KCNMB4: variants seen among roughly 807,000 people sequenced by gnomAD.
KCNMB4 encodes the protein calcium-activated potassium channel subunit beta-4.
Under a neutral mutation model 20.7 loss-of-function variants are expected in KCNMB4, and 3 were observed. That is an observed-to-expected ratio of 0.14 (90% CI 0.07 to 0.37). KCNMB4 has a LOEUF of 0.37. Ranked by LOEUF, KCNMB4 falls within the 10% of genes least tolerant of loss-of-function variation. KCNMB4 has a pLI of 1.00. For missense variants in KCNMB4, 168 were observed against 265.9 expected, an observed-to-expected ratio of 0.63 and a Z score of 2.56; for synonymous variants, 110 against 113.4, an observed-to-expected ratio of 0.97 and a Z score of 0.19.
At chr12:70,394,001 C>T (rs1173794911) in intron 1 of KCNMB4, among the ~76,000 whole-genome samples, 1 of 152,176 alleles carries the variant, frequency 6.6e-6, no homozygotes, top group Non-Finnish European at 1.5e-5. Flanking sequence ...GAAGCCTTCT[C>T]TTATACTCTG....
chr12:70,420,519 A>G (rs758183764), intron 2 of KCNMB4, among the ~76,000 whole-genome samples: 56 of 152,176 alleles, frequency 3.7e-4, no homozygotes, highest in Non-Finnish European at 7.5e-4. Flanking sequence ...ATGCTGGGAA[A>G]GGCAAGGAAA....
At chr12:70,395,334 C>T (rs1868341814) in intron 1 of KCNMB4, among the ~76,000 whole-genome samples, 1 of 151,958 alleles carries the variant, frequency 6.6e-6, no homozygotes, top group Non-Finnish European at 1.5e-5. Flanking sequence ...GAACCCAGTC[C>T]CTGATATTTA....
chr12:70,397,597 C>A (rs77751871), intron 1 of KCNMB4, among the ~76,000 whole-genome samples: 15 of 152,278 alleles, frequency 9.9e-5, no homozygotes, highest in Non-Finnish European at 1.8e-4. Flanking sequence ...CTTCAGCATA[C>A]CTAATACAGA....
chr12:70,396,383 GC>G (rs1165867234), intron 1 of KCNMB4, among the ~76,000 whole-genome samples: 2 of 152,178 alleles, frequency 1.3e-5, no homozygotes, highest in African/African-American at 4.8e-5. Context: ...TCAGCTCACT[GC>G]AGCCTCCGCC....
intron 2 of KCNMB4, among the ~76,000 whole-genome samples, chr12:70,414,946 T>G (rs1868876761): frequency 6.6e-6 from 1 of 152,240 alleles, no homozygotes; most frequent in South Asian, 2.1e-4. Flanking sequence ...ATCTTAATTG[T>G]AAGTCAAAAT....
intron 1 of KCNMB4, among the ~76,000 whole-genome samples, chr12:70,392,435 G>A (rs545219305): frequency 6.6e-6 from 1 of 152,292 alleles, no homozygotes; most frequent in South Asian, 2.1e-4. Context: ...CAAGGATCTA[G>A]AACCAGAAAT....
At chr12:70,409,192 C>A (rs1001006437) in intron 2 of KCNMB4, among the ~76,000 whole-genome samples, 6 of 152,184 alleles carry the variant, frequency 3.9e-5, no homozygotes, top group Non-Finnish European at 5.9e-5. Context: ...CAGGCTTACA[C>A]AAACACACAC....
At chr12:70,405,082 C>A (rs760292091) in intron 2 of KCNMB4, among the ~76,000 whole-genome samples, 1 of 152,052 alleles carries the variant, frequency 6.6e-6, no homozygotes, top group Non-Finnish European at 1.5e-5. Flanking sequence ...AGAAGTTAGT[C>A]AAGAAGAAGA....
intron 2 of KCNMB4, among the ~76,000 whole-genome samples, chr12:70,418,438 T>A (rs1007245493): frequency 6.6e-6 from 1 of 152,210 alleles, no homozygotes; most frequent in Admixed American, 6.5e-5. Context: ...GTCACTATGC[T>A]TGGTGTAGCC....
Position 70,430,764 on chromosome 12 carries a change from G to T in KCNMB4, c.*111G>T, listed in dbSNP as rs998698926. ...AGGAGATGGACAGGGCCACGACAGGGCTCTGAGAGGCTCATCCCTCAGTGG... is the reference window on the plus strand; with the variant it reads ...AGGAGATGGACAGGGCCACGACAGGTCTCTGAGAGGCTCATCCCTCAGTGG... On this transcript the variant is annotated 3_prime_UTR_variant, in exon 3 of 3. Transcript: ENST00000258111. 2.0e-6 allele frequency: 2 copies of T among 1,004,906 alleles called. No individual in the cohort carries two copies. Among genetic ancestry groups the T allele is most frequent in the African/African-American group, 1.7e-5 (1 of 59,520 alleles). The allele number at this position is 1,004,906 out of a possible 1,614,324, so 62.2% of individuals were successfully genotyped here.
chr12:70,405,093 T>A (rs1565862288), intron 2 of KCNMB4, among the ~76,000 whole-genome samples: 2 of 152,248 alleles, frequency 1.3e-5, no homozygotes, highest in East Asian at 1.9e-4. Flanking sequence ...AAGAAGAAGA[T>A]AATTTAGGTA....
intron 2 of KCNMB4, 122 bp downstream of exon 2, chr12:70,400,458 G>T (rs1165123581): frequency 1.0e-6 from 1 of 984,120 alleles, no homozygotes; most frequent in Admixed American, 2.7e-5. Flanking sequence ...TTCTTTGCGT[G>T]TAATTAGGGA....
At chr12:70,414,356 A>G (rs1014419980) in intron 2 of KCNMB4, among the ~76,000 whole-genome samples, 2 of 152,246 alleles carry the variant, frequency 1.3e-5, no homozygotes, top group African/African-American at 2.4e-5. Flanking sequence ...GGTTAGTTCT[A>G]TAATCTCAGT....
At chr12:70,374,204 A>G (rs1431508188) in intron 1 of KCNMB4, among the ~76,000 whole-genome samples, 2 of 152,240 alleles carry the variant, frequency 1.3e-5, no homozygotes, top group African/African-American at 2.4e-5. Context: ...TTTGCTTACA[A>G]AATACATTTA....
chr12:70,386,205 C>A (rs1470574383), intron 1 of KCNMB4, among the ~76,000 whole-genome samples: 1 of 152,108 alleles, frequency 6.6e-6, no homozygotes, highest in Non-Finnish European at 1.5e-5. Context: ...TCACATACCT[C>A]ATCTTGTAAG....
intron 1 of KCNMB4, among the ~76,000 whole-genome samples, chr12:70,382,741 G>A (rs1883812969): frequency 6.6e-6 from 1 of 152,150 alleles, no homozygotes; most frequent in African/African-American, 2.4e-5. Flanking sequence ...AGCAATAAAA[G>A]ACCATCTCTT....
chr12:70,404,585 C>T (rs1328090162), intron 2 of KCNMB4, among the ~76,000 whole-genome samples: 1 of 152,158 alleles, frequency 6.6e-6, no homozygotes, highest in Non-Finnish European at 1.5e-5. Context: ...ATCTGCTGGT[C>T]CTCGTAAGAG....
chr12:70,393,262 G>C (rs897328953), intron 1 of KCNMB4, among the ~76,000 whole-genome samples: 6 of 152,048 alleles, frequency 3.9e-5, no homozygotes, highest in African/African-American at 1.4e-4. Context: ...GAGTGCAGTG[G>C]CGCGATCTCG....
chr12:70,400,369 T>C, intron 2 of KCNMB4, 33 bp downstream of exon 2: 1 of 1,589,192 alleles, frequency 6.3e-7, no homozygotes, highest in East Asian at 2.3e-5. Context: ...GTGTTAAAAT[T>C]GTTTGTAGAC....
Sources: allele counts gnomAD v4.1 joint callset (sites outside exome capture counted in the v4.1 genomes callset), GRCh38; gene constraint gnomAD v4.1.1; transcripts MANE v1.5; gene names NCBI Gene and HGNC (gene_info 2026-07-23, HGNC 2026-07-21).